The following MRTFA variants were observed in gnomAD, a reference collection of about 807,000 sequenced individuals.
MRTFA encodes the protein myocardin related transcription factor A, also known as myocardin-related transcription factor A.
MRTFA carries 20 observed loss-of-function variants against 83.5 expected under a neutral mutation model. That is an observed-to-expected ratio of 0.24 (90% CI 0.17 to 0.35). The LOEUF (loss-of-function observed/expected upper bound fraction) is 0.35. Ranked by LOEUF, MRTFA falls within the 10% of genes least tolerant of loss-of-function variation. The pLI is 1.00. For missense variants in MRTFA, 1,200 were observed against 1,224.7 expected, an observed-to-expected ratio of 0.98 and a Z score of 0.30; for synonymous variants, 659 against 541.2, an observed-to-expected ratio of 1.22 and a Z score of -3.02.
intron 3 of MRTFA, among the ~76,000 whole-genome samples, chr22:40,532,851 A>G (rs2055106182): frequency 6.6e-6 from 1 of 152,236 alleles, no homozygotes. Flanking sequence ...CTCTGAAACA[A>G]GAAAACACTA....
At chr22:40,412,057 A>G (rs2052562407) in intron 14 of MRTFA, 150 bp from the exon 15 acceptor site, 1 of 551,832 alleles carries the variant, frequency 1.8e-6, no homozygotes, top group African/African-American at 1.9e-5. Flanking sequence ...TAAGACTATA[A>G]AACTCTTTAA....
chr22:40,417,542 C>G, intron 12 of MRTFA, 49 bp from the exon 13 acceptor site: 1 of 1,232,792 alleles, frequency 8.1e-7, no homozygotes, highest in Non-Finnish European at 1.1e-6. Context: ...GCTGGGGGTG[C>G]AGACCTGCCT....
At chr22:40,589,360 G>C (rs2056083626) in intron 2 of MRTFA, among the ~76,000 whole-genome samples, 1 of 152,126 alleles carries the variant, frequency 6.6e-6, no homozygotes, top group Non-Finnish European at 1.5e-5. Context: ...ACCAACAAAA[G>C]TGCCAAATGC....
rs185149601 is a variant in MRTFA, at chr22:40,443,594, G to C, written c.308-8040C>G. 9.0e-4 allele frequency among the ~76,000 whole-genome samples: 136 copies of C among 151,822 alleles called. 1 individual carries two copies. The Middle Eastern group carries it at 0.02, about 23-fold the overall frequency. ...GCAAAATATGTTCTCTCTAGCCAAA[G>C]GATTAGGAAAGGGCAGCCCAGCACA... On this transcript the variant is annotated intron_variant, in intron 4 of 14. Coordinates refer to ENST00000355630, the MANE Select transcript of MRTFA (RefSeq NM_020831.6).
Position 40,424,250 on chromosome 22 carries a change from C to A in MRTFA, c.733G>T (p.Val245Phe), listed in dbSNP as rs772496078. ...GTGGCACTGAGCAGTGGTTCGCTGA[C>A]TCGGGCCTCCAGGGGTGACGGCACA... The change falls in exon 8 of 15, where the codon GTC (valine) becomes TTC (phenylalanine). Residue 245 changes from valine to phenylalanine, a missense_variant. By Grantham distance (50) the Val-to-Phe change is conservative (BLOSUM62 -1). Coordinates refer to ENST00000355630, the MANE Select transcript of MRTFA (RefSeq NM_020831.6). The A allele has an allele frequency of 1.9e-6, 3 of 1,607,524 alleles. No individual in the cohort carries two copies. The South Asian group carries it at 3.3e-5, about 18-fold the overall frequency.
At chr22:40,470,483 T>C (rs183867812) in intron 3 of MRTFA, among the ~76,000 whole-genome samples, 1 of 151,120 alleles carries the variant, frequency 6.6e-6, no homozygotes, top group Admixed American at 6.6e-5. Context: ...ATTAGAAAAT[T>C]CACAGCCTAC....
chr22:40,412,392 G>A (rs2052577196), intron 14 of MRTFA: 1 of 152,348 alleles, frequency 6.6e-6, no homozygotes, highest in Admixed American at 6.5e-5. Flanking sequence ...AAATGGTGCA[G>A]CTGCTATGAA....
chr22:40,632,815 G>C (rs1412252651), intron 1 of MRTFA, among the ~76,000 whole-genome samples: 2 of 152,112 alleles, frequency 1.3e-5, no homozygotes, highest in South Asian at 4.1e-4. Flanking sequence ...CAGAAACTGT[G>C]AAAAATAAGA....
chr22:40,578,581 A>G (rs1436377068), intron 2 of MRTFA, among the ~76,000 whole-genome samples: 2 of 152,146 alleles, frequency 1.3e-5, no homozygotes, highest in Admixed American at 1.3e-4. Context: ...AGCATGGGCA[A>G]TGTAGTGAGA....
chr22:40,621,592 C>T (rs1437670175), intron 1 of MRTFA, among the ~76,000 whole-genome samples: 1 of 152,106 alleles, frequency 6.6e-6, no homozygotes, highest in Non-Finnish European at 1.5e-5. Context: ...GGACAGTACA[C>T]TTAAAAATGG....
At chr22:40,451,339 G>A (rs867659128) in intron 4 of MRTFA, among the ~76,000 whole-genome samples, 2 of 152,096 alleles carry the variant, frequency 1.3e-5, no homozygotes, top group African/African-American at 2.4e-5. Flanking sequence ...TTTGGGTGGC[G>A]GGGTGTGGAG....
At chr22:40,518,176 T>C (rs1569307728) in intron 3 of MRTFA, among the ~76,000 whole-genome samples, 1 of 152,188 alleles carries the variant, frequency 6.6e-6, no homozygotes, top group East Asian at 1.9e-4. Context: ...TGAGTCGTTC[T>C]AGCAAATGAT....
rs201694198 is a variant in MRTFA, at chr22:40,538,985, C to CTTTTTTTTTTTTTTTTTTTTTTT, written c.241+13120_241+13121insAAAAAAAAAAAAAAAAAAAAAAA. Reference sequence around the variant, plus strand: ...GACATTATACTGCAGGATACACAGCCTTTTGTTTTTTTTTTTTTTTTTTTT... The same window carrying CTTTTTTTTTTTTTTTTTTTTTTT: ...GACATTATACTGCAGGATACACAGCCTTTTTTTTTTTTTTTTTTTTTTTTTTTGTTTTTTTTTTTTTTTTTTTT... On this transcript the variant is annotated intron_variant, in intron 3 of 14. Coordinates refer to ENST00000355630, the MANE Select transcript of MRTFA (RefSeq NM_020831.6). Among the ~76,000 whole-genome samples the CTTTTTTTTTTTTTTTTTTTTTTT allele has an allele frequency of 1.9e-5, 2 of 106,888 alleles. 1 individual carries two copies. The allele number at this position is 106,888 out of a possible 152,430, so 70.1% of individuals were successfully genotyped here. A position where few individuals can be genotyped will look rare whatever the true frequency, so the allele number is the denominator to read the frequency against.
intron 1 of MRTFA, among the ~76,000 whole-genome samples, chr22:40,613,137 T>C (rs2056406334): frequency 6.6e-6 from 1 of 152,232 alleles, no homozygotes; most frequent in South Asian, 2.1e-4. Flanking sequence ...AACATGTTTT[T>C]GAGATTCATT....
intron 2 of MRTFA, among the ~76,000 whole-genome samples, chr22:40,560,869 A>T (rs1405388769): frequency 6.6e-6 from 1 of 152,210 alleles, no homozygotes; most frequent in Non-Finnish European, 1.5e-5. Flanking sequence ...TAGAAACAAC[A>T]GCATGAAATG....
intron 1 of MRTFA, among the ~76,000 whole-genome samples, chr22:40,598,826 T>TA (rs34817595): frequency 0.021 from 2,853 of 136,886 alleles, 89 homozygotes; most frequent in African/African-American, 0.07. Flanking sequence ...GTCGCTACTT[T>TA]AAAAAAAAAA....
At position 40,420,967 on chromosome 22, in the gene MRTFA, G is replaced by A; in HGVS notation, c.1061C>T (p.Pro354Leu). Residue 354 changes from proline to leucine, a missense_variant, in exon 10 of 15, where the codon CCC becomes CTC. Physicochemically the swap from Pro to Leu is moderately conservative, Grantham distance 98. Coordinates refer to ENST00000355630, the MANE Select transcript of MRTFA (RefSeq NM_020831.6). ...GATCTTGGCGTAGGATGAGTCCATG[G>A]GGGGTGCCCCCCTGTCCTGCTTCTG... 6.2e-7 allele frequency: 1 copy of A among 1,613,290 alleles called. No homozygotes were observed. Among genetic ancestry groups the A allele is most frequent in the Non-Finnish European group, 8.5e-7 (1 of 1,179,394 alleles).
chr22:40,502,612 G>A lies in MRTFA; in HGVS notation c.242-39326C>T, dbSNP rs796111057. 9.3e-4 allele frequency among the ~76,000 whole-genome samples: 137 copies of A among 147,378 alleles called. 1 individual carries two copies. The highest frequency in any genetic ancestry group is 3.1e-3 in the African/African-American group (125 of 39,844). ...GGGCTCCTCACATCCCAGACGATGG[G>A]CGGCCAGGCAGAGACACTCCTCACT... On this transcript the variant is annotated intron_variant, in intron 3 of 14. Transcript: ENST00000355630.
At chr22:40,471,665 T>C (rs2053917537) in intron 3 of MRTFA, among the ~76,000 whole-genome samples, 1 of 151,836 alleles carries the variant, frequency 6.6e-6, no homozygotes, top group African/African-American at 2.4e-5. Flanking sequence ...GGCGGATTGC[T>C]TGAGCTCAGG....
Sources: allele counts gnomAD v4.1 joint callset (sites outside exome capture counted in the v4.1 genomes callset), GRCh38; gene constraint gnomAD v4.1.1; transcripts MANE v1.5; gene names NCBI Gene and HGNC (gene_info 2026-07-23, HGNC 2026-07-21).